PRKG2: variants seen among roughly 807,000 people sequenced by gnomAD.
The protein encoded by PRKG2 is protein kinase cGMP-dependent 2, also known as cGMP-dependent protein kinase 2.
In PRKG2, 33 loss-of-function variants were observed where a neutral mutation model predicts 97.2. The ratio of observed to expected loss-of-function variants is 0.34; its 90% CI spans 0.26 to 0.45. The LOEUF (loss-of-function observed/expected upper bound fraction) is 0.45. PRKG2 is among the 20% of genes least tolerant of loss of function. The pLI is 1.00. For synonymous variants in PRKG2, 330 were observed against 321.8 expected (o/e 1.03, Z -0.27); for missense variants, 638 against 900.0 (o/e 0.71, Z 3.73).
chr4:81,123,209 A>G (rs1472339247), intron 14 of PRKG2, among the ~76,000 whole-genome samples: 1 of 152,152 alleles, frequency 6.6e-6, no homozygotes, highest in Non-Finnish European at 1.5e-5. Context: ...CCAAATTCCT[A>G]TTATTTTTAT....
intron 1 of PRKG2, among the ~76,000 whole-genome samples, chr4:81,205,838 A>T (rs753671667): frequency 1.6e-4 from 25 of 152,198 alleles, no homozygotes; most frequent in Non-Finnish European, 3.4e-4. Context: ...AAAAAAATGA[A>T]TATCTTCAGT....
At chr4:81,164,906 G>A (rs1238137598) in intron 6 of PRKG2, 2 of 152,152 alleles carry the variant, frequency 1.3e-5, no homozygotes, top group Non-Finnish European at 2.9e-5. Flanking sequence ...TCAGGAGGAT[G>A]TCACAGTCAA....
Position 81,144,915 on chromosome 4 carries a change from T to C in PRKG2, c.1155-585A>G, listed in dbSNP as rs192100432. 3.0e-3 allele frequency among the ~76,000 whole-genome samples: 461 copies of C among 152,040 alleles called. 2 individuals carry two copies. The highest frequency in any genetic ancestry group is 0.011 in the African/African-American group (440 of 41,478). On this transcript the variant is annotated intron_variant, in intron 9 of 18. Coordinates refer to ENST00000264399, the MANE Select transcript of PRKG2 (RefSeq NM_006259.3). ...GAATGATGGTTTCCAGCTTCATCCA[T>C]GTCCCTACAAAGGACATGAACTCAT...
intron 7 of PRKG2, among the ~76,000 whole-genome samples, chr4:81,152,718 C>T (rs1490137024): frequency 2.6e-5 from 4 of 152,022 alleles, no homozygotes; most frequent in African/African-American, 9.7e-5. Context: ...ATGTATGTCA[C>T]AATGAATTAA....
In PRKG2 at chr4:81,185,104, A is replaced by G. The variant is rs58605252; in HGVS notation, c.462-10145T>C. ...CCCAACCTAGCAAGACAGGGCAACAATCAAATTCAGGAAATATAGAGAACA... is the reference window on the plus strand; with the variant it reads ...CCCAACCTAGCAAGACAGGGCAACAGTCAAATTCAGGAAATATAGAGAACA... On this transcript the variant is annotated intron_variant, in intron 2 of 18. Transcript: ENST00000264399. Among the ~76,000 whole-genome samples, 764 of 152,292 alleles carry G rather than the reference A, an allele frequency of 5.0e-3. 6 individuals carry two copies. The highest frequency in any genetic ancestry group is 0.017 in the African/African-American group (717 of 41,570).
intron 15 of PRKG2, among the ~76,000 whole-genome samples, chr4:81,107,844 G>A (rs1156917614): frequency 3.3e-5 from 5 of 152,110 alleles, no homozygotes; most frequent in Non-Finnish European, 5.9e-5. Context: ...GCTAAGATCA[G>A]TAAACAAAGA....
At chr4:81,112,741 A>C (rs1267470995) in intron 14 of PRKG2, among the ~76,000 whole-genome samples, 1 of 152,230 alleles carries the variant, frequency 6.6e-6, no homozygotes, top group African/African-American at 2.4e-5. Context: ...CTGGACACTC[A>C]GACCTATTTA....
chr4:81,116,817 C>CT (rs34498678), intron 14 of PRKG2, among the ~76,000 whole-genome samples: 35,769 of 151,538 alleles, frequency 0.24, 5,633 homozygotes, highest in East Asian at 0.46. Context: ...TGTATGTCTT[C>CT]TTTGAGACGT....
rs1466673323 is a variant in PRKG2, at chr4:81,153,609, T to A, written c.990+35A>T. The A allele has an allele frequency of 4.7e-6, 7 of 1,478,378 alleles. No homozygotes were observed. In the East Asian group the frequency reaches 1.4e-4, roughly 30 times the overall value. The allele number at this position is 1,478,378 out of a possible 1,614,324, so 91.6% of individuals were successfully genotyped here. A position where few individuals can be genotyped will look rare whatever the true frequency, so the allele number is the denominator to read the frequency against. On this transcript the variant is annotated intron_variant, in intron 7 of 18. Transcript: ENST00000264399. Reference sequence around the variant, plus strand: ...TTTATGGCAAACTGATTTAAAATAATCTTTTTTATTTAGTAAGTTTTAATT... The same window carrying A: ...TTTATGGCAAACTGATTTAAAATAAACTTTTTTATTTAGTAAGTTTTAATT...
chr4:81,175,844 A>G (rs781625440), intron 2 of PRKG2, among the ~76,000 whole-genome samples: 7 of 152,214 alleles, frequency 4.6e-5, no homozygotes, highest in Non-Finnish European at 8.8e-5. Flanking sequence ...ATATGTAGAT[A>G]TCATAAAATT....
rs1376288803 is a variant in PRKG2, at chr4:81,092,420, T to C, written c.2159A>G (p.Lys720Arg). Reference sequence around the variant, plus strand: ...CAAAGGTGATGGAAGGCTCCGTGCTTTCAGTCCCTCCCAATTAAAACCATT... The same window carrying C: ...CAAAGGTGATGGAAGGCTCCGTGCTCTCAGTCCCTCCCAATTAAAACCATT... ...WLNGFNWEGL[K>R]ARSLPSPLQR... Residue 720 changes from lysine (K) to arginine (R), a missense_variant, in exon 18 of 19, where the codon AAA (lysine) becomes AGA (arginine). Transcript: ENST00000264399. 1 of 1,594,872 alleles carries C rather than the reference T, an allele frequency of 6.3e-7. No homozygotes were observed. Among genetic ancestry groups the C allele is most frequent in the Non-Finnish European group, 8.6e-7 (1 of 1,166,618 alleles).
intron 1 of PRKG2, among the ~76,000 whole-genome samples, chr4:81,209,639 G>A (rs1445625296): frequency 6.6e-6 from 1 of 152,074 alleles, no homozygotes; most frequent in Non-Finnish European, 1.5e-5. Context: ...TGAAAATTTA[G>A]CACAGGTATT....
intron 1 of PRKG2, among the ~76,000 whole-genome samples, chr4:81,208,488 G>A (rs1753798405): frequency 6.6e-6 from 1 of 152,108 alleles, no homozygotes; most frequent in Non-Finnish European, 1.5e-5. Context: ...GTGGCCAGTG[G>A]TGCAATCACT....
intron 14 of PRKG2, among the ~76,000 whole-genome samples, chr4:81,124,787 C>T (rs1334271076): frequency 2.0e-5 from 3 of 152,152 alleles, no homozygotes; most frequent in Non-Finnish European, 4.4e-5. Flanking sequence ...TCCTGACCCA[C>T]AGAAACCTGA....
Position 81,189,066 on chromosome 4 carries a change from T to TAAAAAAAAAAAAAAAAAAAAA in PRKG2, c.462-14128_462-14108dup. The stretch of plus-strand genomic sequence containing the variant: ...AAAAAAAAAAGATTAAAAAAAATAA[T>TAAAAAAAAAAAAAAAAAAAAA]AAAAAAAAAAAAAAAAAAAAAAAAA... On this transcript the variant is annotated intron_variant, in intron 2 of 18. Coordinates refer to ENST00000264399, the MANE Select transcript of PRKG2 (RefSeq NM_006259.3). Among the ~76,000 whole-genome samples, 22 of 17,056 alleles carry TAAAAAAAAAAAAAAAAAAAAA rather than the reference T, an allele frequency of 1.3e-3. 3 individuals are homozygous for TAAAAAAAAAAAAAAAAAAAAA. The highest frequency in any genetic ancestry group is 3.4e-3 in the East Asian group (1 of 294). The allele number at this position is 17,056 out of a possible 152,430, so 11.2% of individuals were successfully genotyped here.
intron 6 of PRKG2, among the ~76,000 whole-genome samples, chr4:81,160,658 A>G (rs564377785): frequency 7.2e-5 from 11 of 152,328 alleles, no homozygotes; most frequent in African/African-American, 2.6e-4. Context: ...AAGATTTGTC[A>G]TCATAAAACA....
At chr4:81,137,280 T>C in intron 13 of PRKG2, 113 bp downstream of exon 13, 2 of 810,896 alleles carry the variant, frequency 2.5e-6, no homozygotes, top group East Asian at 5.1e-5. Flanking sequence ...CTACTTTATT[T>C]TATCAAGGGA....
chr4:81,204,897 A>G lies in PRKG2; in HGVS notation c.151T>C (p.Leu51=). The G allele has an allele frequency of 2.5e-6, 4 of 1,614,076 alleles. No individual in the cohort carries two copies. The highest frequency in any genetic ancestry group is 1.1e-5 in the South Asian group (1 of 91,078). The change falls in exon 2 of 19, where the codon TTG becomes CTG. Residue 51 remains leucine (L), a synonymous_variant. Transcript: ENST00000264399. ...DAEIQEREYH[L]KELREQLSKQ... The stretch of plus-strand genomic sequence containing the variant: ...GACAGCTGCTCCCGCAGCTCCTTCA[A>G]ATGGTACTCCCGCTCCTGGATCTCA...
At position 81,110,505 on chromosome 4, in the gene PRKG2, T is replaced by C. The variant is rs746868914; in HGVS notation, c.1883A>G (p.Asp628Gly). The change falls in exon 15 of 19, where the codon GAC becomes GGC. Residue 628 changes from aspartate (D) to glycine (G), a missense_variant. Asp to Gly is a moderately conservative substitution (Grantham distance 94). Around this residue, in one of 3 missense-constraint regions of PRKG2, gnomAD observed 304 missense variants for 460.5 expected, o/e 0.66. Coordinates refer to ENST00000264399, the MANE Select transcript of PRKG2 (RefSeq NM_006259.3). ...APEVILNKGH[D>G]FSVDFWSLGI... ...CAGTGACCAGAAATCCACACTGAAG[T>C]CATGTCCCTTGTTGAGAATGACTTC... The C allele has an allele frequency of 6.2e-7, 1 of 1,612,040 alleles. No individual in the cohort carries two copies. The highest frequency in any genetic ancestry group is 2.3e-5 in the East Asian group (1 of 43,166).
Sources: allele counts gnomAD v4.1 joint callset (sites outside exome capture counted in the v4.1 genomes callset), GRCh38; gene constraint gnomAD v4.1.1; regional missense constraint gnomAD v4.1.1; transcripts MANE v1.5; gene names NCBI Gene and HGNC (gene_info 2026-07-23, HGNC 2026-07-21).